Variants in UBE2E2 observed in about 807,000 individuals in gnomAD.
UBE2E2 encodes ubiquitin-conjugating enzyme E2 E2.
UBE2E2 carries 6 observed loss-of-function variants against 24.7 expected under a neutral mutation model. That is an observed-to-expected ratio of 0.24 (90% CI 0.13 to 0.48). UBE2E2 has a LOEUF of 0.48. Ranked by LOEUF, UBE2E2 falls within the 20% of genes least tolerant of loss-of-function variation. The pLI, the probability that UBE2E2 is intolerant of heterozygous loss-of-function variation, is 0.99. For missense variants in UBE2E2, 169 were observed against 245.0 expected (o/e 0.69, Z 2.07); for synonymous variants, 104 against 83.6 (o/e 1.24, Z -1.33).
intron 3 of UBE2E2, among the ~76,000 whole-genome samples, chr3:23,343,204 T>A (rs1695449224): frequency 6.6e-6 from 1 of 151,752 alleles, no homozygotes; most frequent in African/African-American, 2.4e-5. Context: ...CATTGTGACA[T>A]GGAAAGGTAC....
At chr3:23,512,101 C>G (rs1286000482) in intron 4 of UBE2E2, among the ~76,000 whole-genome samples, 1 of 151,986 alleles carries the variant, frequency 6.6e-6, no homozygotes, top group Non-Finnish European at 1.5e-5. Context: ...AGCCCCTACT[C>G]TTCACACCTG....
chr3:23,410,217 A>C (rs1314820685), intron 3 of UBE2E2, among the ~76,000 whole-genome samples: 1 of 152,202 alleles, frequency 6.6e-6, no homozygotes, highest in African/African-American at 2.4e-5. Flanking sequence ...CAATTATCTG[A>C]AAATATAATG....
Position 23,304,670 on chromosome 3 carries a change from T to A in UBE2E2, c.227+87358T>A, listed in dbSNP as rs181865462. Among the ~76,000 whole-genome samples, 386 of 152,280 alleles carry A rather than the reference T, an allele frequency of 2.5e-3. 3 individuals are homozygous for A. The highest frequency in any genetic ancestry group is 8.9e-3 in the African/African-American group (369 of 41,568). On this transcript the variant is annotated intron_variant, in intron 3 of 5. Transcript: ENST00000396703. The stretch of plus-strand genomic sequence containing the variant: ...TGTTTTAATAGCTTTTTCAGATAAT[T>A]GTGGATATTTTTCTTCAATAATACA...
chr3:23,421,862 A>G (rs1414465616), intron 3 of UBE2E2, among the ~76,000 whole-genome samples: 1 of 152,268 alleles, frequency 6.6e-6, no homozygotes, highest in Non-Finnish European at 1.5e-5. Flanking sequence ...GAGATAAGAA[A>G]TTATCTAATG....
chr3:23,294,188 G>A (rs180798592), intron 3 of UBE2E2, among the ~76,000 whole-genome samples: 2 of 152,266 alleles, frequency 1.3e-5, no homozygotes, highest in East Asian at 1.9e-4. Context: ...AATTCTAGAA[G>A]AAAATATTTA....
chr3:23,515,100 T>C (rs74870881), intron 4 of UBE2E2, among the ~76,000 whole-genome samples: 2,132 of 151,660 alleles, frequency 0.014, 50 homozygotes, highest in African/African-American at 0.049. Context: ...CAAATAGTTG[T>C]AGGGACAAAA....
At chr3:23,309,364 G>T (rs1699316578) in intron 3 of UBE2E2, among the ~76,000 whole-genome samples, 1 of 152,146 alleles carries the variant, frequency 6.6e-6, no homozygotes, top group Non-Finnish European at 1.5e-5. Flanking sequence ...ACATAACATA[G>T]TTACAATAGC....
chr3:23,573,158 G>A (rs917826048), intron 5 of UBE2E2, among the ~76,000 whole-genome samples: 2 of 152,084 alleles, frequency 1.3e-5, no homozygotes, highest in Admixed American at 6.6e-5. Context: ...AAATTATTCC[G>A]TTGAAAGAAT....
intron 4 of UBE2E2, among the ~76,000 whole-genome samples, chr3:23,528,668 A>G (rs540943791): frequency 2.0e-5 from 3 of 152,258 alleles, no homozygotes; most frequent in South Asian, 2.1e-4. Context: ...GTTGGACACA[A>G]ATTGCTTCTG....
chr3:23,442,979 T>C (rs1018212747), intron 3 of UBE2E2, among the ~76,000 whole-genome samples: 1 of 152,220 alleles, frequency 6.6e-6, no homozygotes, highest in African/African-American at 2.4e-5. Flanking sequence ...AGCTTGTATA[T>C]TAGATGTATA....
intron 1 of UBE2E2, 50 bp downstream of exon 1, chr3:23,203,514 C>T (rs112911738): frequency 2.7e-5 from 26 of 967,100 alleles, no homozygotes; most frequent in Non-Finnish European, 3.1e-5. Flanking sequence ...CGTCCTCCCT[C>T]TCGCTGACGT....
chr3:23,382,178 A>ATTTTTTTTTTTTT (rs10645761), intron 3 of UBE2E2, among the ~76,000 whole-genome samples: 1 of 110,842 alleles, frequency 9.0e-6, no homozygotes, highest in Non-Finnish European at 1.7e-5. Context: ...GAATACTTTA[A>ATTTTTTTTTTTTT]TTTTTTTTTT....
chr3:23,452,707 G>A (rs1442547683), intron 3 of UBE2E2, among the ~76,000 whole-genome samples: 1 of 152,148 alleles, frequency 6.6e-6, no homozygotes, highest in Non-Finnish European at 1.5e-5. Flanking sequence ...TCCCTGATGG[G>A]AGAAAGACAT....
intron 3 of UBE2E2, among the ~76,000 whole-genome samples, chr3:23,259,071 A>C (rs1044299879): frequency 5.3e-5 from 8 of 152,132 alleles, no homozygotes; most frequent in African/African-American, 1.9e-4. Context: ...AATTCTTTTA[A>C]AATTGAACAT....
At chr3:23,528,924 C>T (rs1695060536) in intron 4 of UBE2E2, among the ~76,000 whole-genome samples, 1 of 152,120 alleles carries the variant, frequency 6.6e-6, no homozygotes, top group African/African-American at 2.4e-5. Flanking sequence ...GTTTATCTGC[C>T]TATTCTACCA....
chr3:23,270,443 A>T (rs1698207266), intron 3 of UBE2E2, among the ~76,000 whole-genome samples: 1 of 152,072 alleles, frequency 6.6e-6, no homozygotes. Flanking sequence ...CTCAGGTAGG[A>T]ACCTGGAACC....
intron 3 of UBE2E2, among the ~76,000 whole-genome samples, chr3:23,288,810 C>T (rs368315170): frequency 1.1e-3 from 161 of 151,994 alleles, no homozygotes; most frequent in Admixed American, 2.0e-3. Flanking sequence ...CACTTCATAA[C>T]GTCTAGAAAT....
At chr3:23,295,297 T>C (rs929977079) in intron 3 of UBE2E2, among the ~76,000 whole-genome samples, 2 of 152,210 alleles carry the variant, frequency 1.3e-5, no homozygotes, top group African/African-American at 4.8e-5. Flanking sequence ...TGTTTATTTT[T>C]TTATTTTTGT....
intron 3 of UBE2E2, among the ~76,000 whole-genome samples, chr3:23,324,994 A>G (rs149079096): frequency 6.6e-6 from 1 of 152,266 alleles, no homozygotes; most frequent in African/African-American, 2.4e-5. Flanking sequence ...TATTTTAACT[A>G]CACCAATTGC....
Sources: allele counts gnomAD v4.1 joint callset (sites outside exome capture counted in the v4.1 genomes callset), GRCh38; gene constraint gnomAD v4.1.1; transcripts MANE v1.5; gene names NCBI Gene and HGNC (gene_info 2026-07-23, HGNC 2026-07-21).